The following DST variants were observed in gnomAD, a reference collection of about 807,000 sequenced individuals.
DST encodes the protein bullous pemphigoid antigen.
A neutral mutation model predicts 875.2 loss-of-function variants in DST; 253 were observed. The observed-to-expected ratio is 0.29, with a 90% CI of 0.26 to 0.32. The LOEUF (loss-of-function observed/expected upper bound fraction) is 0.32, where lower values mean the gene tolerates loss of function less well. Among genes scored for constraint, DST ranks in the 10% least tolerant of loss-of-function variants. The probability of loss-of-function intolerance (pLI) is 1.00; values close to 1 mark genes in which losing one functional copy is unlikely to be tolerated. For synonymous variants in DST, 3,124 were observed against 3,197.1 expected (o/e 0.98, Z 0.77); for missense variants, 8,287 against 9,111.6 (o/e 0.91, Z 3.68).
At chr6:56,485,178 T>C in intron 88 of DST, 134 bp downstream of exon 88, 1 of 979,906 alleles carries the variant, frequency 1.0e-6, no homozygotes, top group Non-Finnish European at 1.5e-6. Flanking sequence ...CGGACACATA[T>C]TTCAACAATA....
chr6:56,726,306 T>A (rs1283101451), intron 5 of DST, among the ~76,000 whole-genome samples: 1 of 152,214 alleles, frequency 6.6e-6, no homozygotes, highest in African/African-American at 2.4e-5. Context: ...AAAACTAGTC[T>A]CTGAATTCTC....
At chr6:56,622,428 GCGTGGTGGCAGGCGGCAGGCGCCTGTAAT>G (rs1280492493) in intron 36 of DST, among the ~76,000 whole-genome samples, 1 of 151,782 alleles carries the variant, frequency 6.6e-6, no homozygotes, top group African/African-American at 2.4e-5. Context: ...AATTAGCCCG[GCGTGGTGGCAGGCGGCAGGCGCCTGTAAT>G]CCCAGCTACT....
At chr6:56,752,303 G>C (rs2099589668) in intron 4 of DST, among the ~76,000 whole-genome samples, 2 of 151,886 alleles carry the variant, frequency 1.3e-5, no homozygotes, top group Non-Finnish European at 2.9e-5. Flanking sequence ...TGCAAAAAGA[G>C]CTTGGCTTGA....
At chr6:56,501,415 T>C (rs2096120136) in intron 79 of DST, 105 bp downstream of exon 79, 1 of 1,149,264 alleles carries the variant, frequency 8.7e-7, no homozygotes, top group Non-Finnish European at 1.2e-6. Context: ...TAAAATAGAA[T>C]ATATGAGAAG....
chr6:56,630,238 C>T lies in DST; in HGVS notation c.4281+7G>A, dbSNP rs757794266. 4 of 1,569,286 alleles carry T rather than the reference C, an allele frequency of 2.5e-6. No individual in the cohort carries two copies. The South Asian group carries it at 4.5e-5, about 17-fold the overall frequency. ...TATTTAAAAATATCCAAAAGTGAGT[C>T]TCATACCTTTAAAGTACTTATTAGA... On this transcript the variant is annotated splice_region_variant and intron_variant, in intron 31 of 103. Transcript: ENST00000680361.
intron 5 of DST, among the ~76,000 whole-genome samples, chr6:56,718,385 T>C (rs1023893367): frequency 1.3e-5 from 2 of 152,184 alleles, no homozygotes; most frequent in Non-Finnish European, 2.9e-5. Context: ...CCTTCTAGGA[T>C]TGCTAAAATC....
chr6:56,548,866 C>T (rs374907774), intron 61 of DST, among the ~76,000 whole-genome samples: 1 of 152,124 alleles, frequency 6.6e-6, no homozygotes, highest in Admixed American at 6.5e-5. Context: ...AGTTTTAAAA[C>T]GTCAAGCTAA....
At chr6:56,603,792 T>A in intron 40 of DST, 45 bp downstream of exon 40, 2 of 1,584,410 alleles carry the variant, frequency 1.3e-6, no homozygotes, top group African/African-American at 1.4e-5. Flanking sequence ...TATTCTCACA[T>A]GGTTCATGCA....
intron 9 of DST, among the ~76,000 whole-genome samples, chr6:56,681,611 A>G (rs1435213509): frequency 6.6e-6 from 1 of 152,074 alleles, no homozygotes; most frequent in Admixed American, 6.6e-5. Context: ...GTGTGTCATT[A>G]TTGTCTCTTG....
At chr6:56,829,338 A>C (rs79865123) in intron 4 of DST, among the ~76,000 whole-genome samples, 3,807 of 152,328 alleles carry the variant, frequency 0.025, 177 homozygotes, top group African/African-American at 0.087. Flanking sequence ...TAATGAGAGT[A>C]AAAACACTTT....
chr6:56,939,200 G>A (rs574344208), intron 2 of DST, among the ~76,000 whole-genome samples: 1 of 152,364 alleles, frequency 6.6e-6, no homozygotes, highest in South Asian at 2.1e-4. Context: ...AATTGCATGA[G>A]TGAAGTGAGA....
chr6:56,739,846 C>T (rs1170262876), intron 4 of DST, among the ~76,000 whole-genome samples: 1 of 152,160 alleles, frequency 6.6e-6, no homozygotes, highest in Non-Finnish European at 1.5e-5. Context: ...CCTTGTTTAG[C>T]ATATCATCAA....
chr6:56,464,716 G>A lies in DST; in HGVS notation c.22728C>T (p.Asn7576=), dbSNP rs1265374350. 3 of 1,600,510 alleles carry A rather than the reference G, an allele frequency of 1.9e-6. 1 individual carries two copies. The highest frequency in any genetic ancestry group is 3.3e-4 in the Middle Eastern group (2 of 6,046). ...TAGGCTGAGTAGTAGTAATTGAAGAGTTTGATTCCGAACGTAACATTTTAC... is the reference window on the plus strand; with the variant it reads ...TAGGCTGAGTAGTAGTAATTGAAGAATTTGATTCCGAACGTAACATTTTAC... ...HGSKMLRSES[N]SSITTTQPTI... The change falls in exon 100 of 104, where the codon AAC becomes AAT. Residue 7576 remains asparagine (N), a synonymous_variant. Coordinates refer to ENST00000680361, the MANE Select transcript of DST (RefSeq NM_001374736.1).
chr6:56,728,185 T>A (rs2099475477), intron 5 of DST, among the ~76,000 whole-genome samples: 1 of 152,224 alleles, frequency 6.6e-6, no homozygotes, highest in Non-Finnish European at 1.5e-5. Flanking sequence ...GAAAAGATAG[T>A]TCACAATTTT....
At chr6:56,675,499 C>T (rs985432551) in intron 9 of DST, among the ~76,000 whole-genome samples, 1 of 151,888 alleles carries the variant, frequency 6.6e-6, no homozygotes, top group African/African-American at 2.4e-5. Flanking sequence ...GCAAACCATT[C>T]ATCTTATAAC....
At chr6:56,583,467 T>C (rs1269894116) in intron 49 of DST, among the ~76,000 whole-genome samples, 1 of 152,194 alleles carries the variant, frequency 6.6e-6, no homozygotes, top group Non-Finnish European at 1.5e-5. Context: ...CGTAAATTTG[T>C]TGGAGTTCAT....
chr6:56,791,086 C>A (rs984994289), intron 4 of DST, among the ~76,000 whole-genome samples: 1 of 152,228 alleles, frequency 6.6e-6, no homozygotes, highest in Non-Finnish European at 1.5e-5. Flanking sequence ...ATGCCAGAAG[C>A]TACCTTTTAG....
rs577472820 is a variant in DST at position 56,648,808 on chromosome 6, C to A, written c.1435-119G>T. 3.6e-6 allele frequency: 3 copies of A among 826,126 alleles called. No homozygotes were observed. The African/African-American group carries it at 5.2e-5, about 14-fold the overall frequency. 51.2% of individuals were successfully genotyped at this position (826,126 alleles called of 1,614,324 possible). On this transcript the variant is annotated intron_variant, in intron 12 of 103. Transcript: ENST00000680361. ...GTATTTGAAGCCTGACAGACAGAACCAGCTAAATGTTTTCTTACTTTCACC... is the reference window on the plus strand; with the variant it reads ...GTATTTGAAGCCTGACAGACAGAACAAGCTAAATGTTTTCTTACTTTCACC...
chr6:56,596,024 C>CTTAT (rs890524690), intron 47 of DST, among the ~76,000 whole-genome samples: 23 of 146,700 alleles, frequency 1.6e-4, no homozygotes, highest in Middle Eastern at 3.5e-3. Flanking sequence ...TATTTATTTA[C>CTTAT]TTATTTATTT....
Sources: gnomAD v4.1 joint callset for allele counts (sites outside exome capture counted in the v4.1 genomes callset) on GRCh38, gnomAD v4.1.1 for gene constraint, MANE v1.5 for transcripts, NCBI Gene and HGNC (gene_info 2026-07-23, HGNC 2026-07-21) for gene names.